Variants in IARS2 observed in about 807,000 individuals in gnomAD.
IARS2 encodes the protein isoleucyl-tRNA synthetase 2, mitochondrial.
In IARS2, 56 loss-of-function variants were observed where a neutral mutation model predicts 126.3. That is an observed-to-expected ratio of 0.44 (90% CI 0.36 to 0.55). IARS2 has a LOEUF of 0.55. IARS2 is among the 20% of genes least tolerant of loss of function. The probability of loss-of-function intolerance (pLI) is 0.00; values close to 1 mark genes in which losing one functional copy is unlikely to be tolerated. For missense variants in IARS2, 1,127 were observed against 1,245.9 expected, an observed-to-expected ratio of 0.90 and a Z score of 1.44; for synonymous variants, 407 against 441.1, an observed-to-expected ratio of 0.92 and a Z score of 0.97.
intron 12 of IARS2, among the ~76,000 whole-genome samples, chr1:220,115,413 T>G (rs1809854): frequency 0.042 from 6,388 of 151,970 alleles, 440 homozygotes; most frequent in African/African-American, 0.14. Context: ...ATACAAAAAT[T>G]AGCCAGGCAT....
Position 220,103,553 on chromosome 1 carries a change from A to G in IARS2, c.1057A>G (p.Thr353Ala), listed in dbSNP as rs141215374. 8 of 1,600,970 alleles carry G rather than the reference A, an allele frequency of 5.0e-6. No homozygotes were observed. Among genetic ancestry groups the G allele is most frequent in the Non-Finnish European group, 6.0e-6 (7 of 1,168,180 alleles). Residue 353 changes from threonine to alanine, a missense_variant, in exon 8 of 23, where the codon ACA becomes GCA. By Grantham distance (58) the Thr-to-Ala change is moderately conservative (BLOSUM62 0). Transcript: ENST00000366922. Reference protein sequence around the residue: ...TLETTFETISTLSGVDLENGT... With the variant: ...TLETTFETISALSGVDLENGT... ...GGAAACAACATTTGAGACTATTTCA[A>G]CACTTTCAGGTGAAGATTTTTAGAT...
At chr1:220,124,124 A>T (rs938132147) in intron 12 of IARS2, among the ~76,000 whole-genome samples, 1 of 152,238 alleles carries the variant, frequency 6.6e-6, no homozygotes, top group Non-Finnish European at 1.5e-5. Context: ...CTTGGCCATT[A>T]TATGTACTGT....
In IARS2 at chr1:220,147,693, G is replaced by A; in HGVS notation, c.*58G>A. ...GACAGTACTGGCTAGAAGTTTGGAT[G>A]GATTATTTACAATATAGGAAAGAAA... On this transcript the variant is annotated 3_prime_UTR_variant, in exon 23 of 23. Transcript: ENST00000366922. 1 of 1,564,672 alleles carries A rather than the reference G, an allele frequency of 6.4e-7. No individual in the cohort carries two copies. The highest frequency in any genetic ancestry group is 8.7e-7 in the Non-Finnish European group (1 of 1,146,644).
In IARS2 at chr1:220,147,924, T is replaced by A; in HGVS notation, c.*289T>A. On this transcript the variant is annotated 3_prime_UTR_variant, in exon 23 of 23. Transcript: ENST00000366922. ...AGTGGACTTATTCAGAACATAGATA[T>A]GTATTCAGCTTGTCTTCAAATACGG... is the stretch of plus-strand genomic sequence containing the variant. 2.5e-6 allele frequency: 1 copy of A among 403,292 alleles called. No homozygotes were observed. The highest frequency in any genetic ancestry group is 6.3e-4 in the Middle Eastern group (1 of 1,598). 25.0% of individuals were successfully genotyped at this position (403,292 alleles called of 1,614,324 possible). A position where few individuals can be genotyped will look rare whatever the true frequency, so the allele number is the denominator to read the frequency against.
At chr1:220,095,351 T>C (rs557738517) in intron 1 of IARS2, among the ~76,000 whole-genome samples, 18 of 152,236 alleles carry the variant, frequency 1.2e-4, no homozygotes, top group Admixed American at 3.3e-4. Flanking sequence ...GTCTGAACTT[T>C]CTAAGAGCAG....
In IARS2 at chr1:220,096,335, A is replaced by G. The variant is rs1656440376; in HGVS notation, c.390+109A>G. ...ATTATGTAAATTTAGATTTGCACAT[A>G]AAACTAAAACATTTTCATAGAAAGC... On this transcript the variant is annotated intron_variant, in intron 2 of 22. Coordinates refer to ENST00000366922, the MANE Select transcript of IARS2 (RefSeq NM_018060.4). The G allele has an allele frequency of 6.6e-6, 5 of 754,540 alleles. No homozygotes were observed. In the South Asian group the frequency reaches 1.7e-4, roughly 26 times the overall value. 46.7% of individuals were successfully genotyped at this position (754,540 alleles called of 1,614,324 possible). A position where few individuals can be genotyped will look rare whatever the true frequency, so the allele number is the denominator to read the frequency against.
intron 21 of IARS2, chr1:220,144,033 GGTT>G (rs898306378): frequency 2.5e-5 from 38 of 1,506,842 alleles, no homozygotes; most frequent in Admixed American, 3.3e-5. Context: ...TGCCAGCTGA[GGTT>G]GTCAGTACAA....
rs774688190 is a variant in IARS2, at chr1:220,139,107, A to G, written c.2275A>G (p.Met759Val). Residue 759 changes from methionine (M) to valine (V), a missense_variant, in exon 18 of 23, where the codon ATG becomes GTG. Coordinates refer to ENST00000366922, the MANE Select transcript of IARS2 (RefSeq NM_018060.4). ...CGATATGTATGTCATAGACCAGTAC[A>G]TGCTACACTTACTGCAGGATTTGGC... ...VNDMYVIDQY[M>V]LHLLQDLANK... 1.2e-6 allele frequency: 2 copies of G among 1,610,244 alleles called. No individual in the cohort carries two copies. The highest frequency in any genetic ancestry group is 8.5e-7 in the Non-Finnish European group (1 of 1,178,452).
chr1:220,134,571 G>A lies in IARS2; in HGVS notation c.1946+61G>A, dbSNP rs895025691. 1.1e-5 allele frequency: 11 copies of A among 957,446 alleles called. No homozygotes were observed. The African/African-American group carries it at 1.3e-4, about 12-fold the overall frequency. 59.3% of individuals were successfully genotyped at this position (957,446 alleles called of 1,614,324 possible). A position where few individuals can be genotyped will look rare whatever the true frequency, so the allele number is the denominator to read the frequency against. On this transcript the variant is annotated intron_variant, in intron 15 of 22. Transcript: ENST00000366922. ...CTGCCAGTGTGTGAAGCACTATGCT[G>A]AGTACTACAGAGATGATAAGGCACC...
intron 15 of IARS2, among the ~76,000 whole-genome samples, chr1:220,135,815 T>TC (rs1364177652): frequency 6.7e-6 from 1 of 149,270 alleles, no homozygotes; most frequent in African/African-American, 2.4e-5. Flanking sequence ...ATTTAAAATT[T>TC]TTTTTTTTTT....
chr1:220,131,146 T>C (rs1657258029), intron 14 of IARS2, among the ~76,000 whole-genome samples: 1 of 152,140 alleles, frequency 6.6e-6, no homozygotes, highest in Non-Finnish European at 1.5e-5. Flanking sequence ...ATATCATTGG[T>C]ATTTTGCATG....
chr1:220,117,480 G>A (rs1037733485), intron 12 of IARS2, among the ~76,000 whole-genome samples: 11 of 151,964 alleles, frequency 7.2e-5, no homozygotes, highest in African/African-American at 9.7e-5. Context: ...GATTACAGGC[G>A]TGAGCCACTG....
At chr1:220,103,186 T>G (rs748068405) in intron 7 of IARS2, among the ~76,000 whole-genome samples, 1 of 151,874 alleles carries the variant, frequency 6.6e-6, no homozygotes, top group Non-Finnish European at 1.5e-5. Flanking sequence ...GATTATGGGA[T>G]TACAGGCATG....
chr1:220,102,862 TTTA>T (rs1432912787), intron 7 of IARS2, 85 bp downstream of exon 7: 2 of 785,456 alleles, frequency 2.5e-6, no homozygotes, highest in South Asian at 3.2e-5. Context: ...TTTTATCCTG[TTTA>T]TTATTGTAAA....
At chr1:220,100,762 A>C in intron 3 of IARS2, 113 bp downstream of exon 3, 1 of 708,660 alleles carries the variant, frequency 1.4e-6, no homozygotes, top group Non-Finnish European at 2.2e-6. Context: ...GCTTATAATA[A>C]GATCTATTGG....
At chr1:220,112,537 A>G (rs1276305108) in intron 11 of IARS2, among the ~76,000 whole-genome samples, 3 of 149,378 alleles carry the variant, frequency 2.0e-5, no homozygotes, top group African/African-American at 7.4e-5. Flanking sequence ...TTTAGCACAT[A>G]TATTTGAAAG....
rs890260756 is a variant in IARS2, at chr1:220,145,428, A to C, written c.2752-81A>C. ...CAGAAGGTTCCTCTCTAAACGTGAG[A>C]TTTTATAGTGTTTCTTTTTATAACC... On this transcript the variant is annotated intron_variant, in intron 21 of 22. Coordinates refer to ENST00000366922, the MANE Select transcript of IARS2 (RefSeq NM_018060.4). 12 of 1,357,262 alleles carry C rather than the reference A, an allele frequency of 8.8e-6. No individual in the cohort carries two copies. The East Asian group carries it at 2.4e-4, about 27-fold the overall frequency. The allele number at this position is 1,357,262 out of a possible 1,614,324, so 84.1% of individuals were successfully genotyped here. A position where few individuals can be genotyped will look rare whatever the true frequency, so the allele number is the denominator to read the frequency against.
intron 2 of IARS2, among the ~76,000 whole-genome samples, chr1:220,097,889 C>CTTTTTTTTTTTTTTTTTTTTTTTTTTTTT: frequency 6.6e-6 from 1 of 151,342 alleles, no homozygotes; most frequent in African/African-American, 2.4e-5. Flanking sequence ...TGTTGTTGTT[C>CTTTTTTTTTTTTTTTTTTTTTTTTTTTTT]TTTGAGACAG....
At chr1:220,137,196 G>T (rs1657394451) in intron 16 of IARS2, among the ~76,000 whole-genome samples, 2 of 151,972 alleles carry the variant, frequency 1.3e-5, no homozygotes, top group African/African-American at 4.8e-5. Context: ...TGATGATTGG[G>T]TTTTCGCACT....
Sources: gnomAD v4.1 joint callset for allele counts (sites outside exome capture counted in the v4.1 genomes callset) on GRCh38, gnomAD v4.1.1 for gene constraint, MANE v1.5 for transcripts, NCBI Gene and HGNC (gene_info 2026-07-23, HGNC 2026-07-21) for gene names.